Variants in ATP6V0A2 observed in about 807,000 individuals in gnomAD.
The protein encoded by ATP6V0A2 is ATPase H+ transporting V0 subunit a2.
Under a neutral mutation model 104.4 loss-of-function variants are expected in ATP6V0A2, and 58 were observed. The observed-to-expected ratio is 0.56, with a 90% CI of 0.45 to 0.69. ATP6V0A2 has a LOEUF of 0.69. ATP6V0A2 is among the 30% of genes least tolerant of loss of function. The pLI is 0.00. For missense variants in ATP6V0A2, 938 were observed against 1,062.9 expected (o/e 0.88, Z 1.63); for synonymous variants, 376 against 397.9 (o/e 0.95, Z 0.65).
At position 123,726,289 on chromosome 12, in the gene ATP6V0A2, G is replaced by A; in HGVS notation, c.521+4G>A. Reference sequence around the variant, plus strand: ...AGAGGCTGGGAGCAAAACTGGGGTAGGTGACAAGGCCTGGGGTGTCAGGCT... The same window carrying A: ...AGAGGCTGGGAGCAAAACTGGGGTAAGTGACAAGGCCTGGGGTGTCAGGCT... On this transcript the variant is annotated splice_donor_region_variant and intron_variant, in intron 5 of 19. Coordinates refer to ENST00000330342, the MANE Select transcript of ATP6V0A2 (RefSeq NM_012463.4). 6.2e-7 allele frequency: 1 copy of A among 1,610,798 alleles called. No homozygotes were observed.
chr12:123,748,533 C>A, intron 14 of ATP6V0A2, 42 bp from the exon 15 acceptor site: 1 of 1,441,648 alleles, frequency 6.9e-7, no homozygotes, highest in Non-Finnish European at 9.8e-7. Context: ...TTAACTTAGG[C>A]TGATCTTGTT....
At position 123,734,007 on chromosome 12, in the gene ATP6V0A2, T is replaced by A; in HGVS notation, c.730T>A (p.Cys244Ser). The A allele has an allele frequency of 6.2e-7, 1 of 1,610,584 alleles. No individual in the cohort carries two copies. The highest frequency in any genetic ancestry group is 8.5e-7 in the Non-Finnish European group (1 of 1,177,144). ...IGHKVKKICD[C>S]YHCHVYPYPN... Reference sequence around the variant, plus strand: ...CCACAAGGTTAAGAAGATATGTGATTGGTAAGAAAAAGAAACATTTCATTT... The same window carrying A: ...CCACAAGGTTAAGAAGATATGTGATAGGTAAGAAAAAGAAACATTTCATTT... The change falls in exon 7 of 20, where the codon TGC (cysteine) becomes AGC (serine). Residue 244 changes from cysteine (C) to serine (S), a missense_variant and splice_region_variant. Physicochemically the swap from Cys to Ser is moderately radical, Grantham distance 112. Coordinates refer to ENST00000330342, the MANE Select transcript of ATP6V0A2 (RefSeq NM_012463.4).
rs759193879 is a variant in ATP6V0A2, at chr12:123,754,494, C to T, written c.2250C>T (p.Thr750=). 1.7e-5 allele frequency: 28 copies of T among 1,614,132 alleles called. No individual in the cohort carries two copies. The highest frequency in any genetic ancestry group is 4.5e-5 in the East Asian group (2 of 44,886). ...IEYCLGCISN[T]ASYLRLWALS... ...ACTGTCTGGGATGCATCTCCAACAC[C>T]GCCTCCTACCTGAGGCTCTGGGCGC... The change falls in exon 18 of 20, where the codon ACC becomes ACT. Residue 750 remains threonine (T), a synonymous_variant. Transcript: ENST00000330342.
At position 123,737,085 on chromosome 12, in the gene ATP6V0A2, G is replaced by C. The variant is rs1375101575; in HGVS notation, c.852G>C (p.Leu284Phe). The change falls in exon 9 of 20, where the codon TTG becomes TTC. Residue 284 changes from leucine to phenylalanine, a missense_variant. Physicochemically the swap from Leu to Phe is conservative, Grantham distance 22. Transcript: ENST00000330342. ...TACTGCACAAAACCGAGGACTATTTGAGGCAAGTGCTATGTAAAGCCGCCG... is the reference window on the plus strand; with the variant it reads ...TACTGCACAAAACCGAGGACTATTTCAGGCAAGTGCTATGTAAAGCCGCCG... ...YTVLHKTEDY[L>F]RQVLCKAAES... The C allele has an allele frequency of 1.2e-6, 2 of 1,614,216 alleles. No homozygotes were observed. The highest frequency in any genetic ancestry group is 1.7e-6 in the Non-Finnish European group (2 of 1,180,034).
chr12:123,752,861 T>C (rs1355150054), intron 17 of ATP6V0A2, among the ~76,000 whole-genome samples: 3 of 152,226 alleles, frequency 2.0e-5, no homozygotes, highest in African/African-American at 7.2e-5. Flanking sequence ...TTGGCTTTTT[T>C]TCTTTGTAAG....
chr12:123,736,995 G>T (rs996391136), intron 8 of ATP6V0A2, 64 bp from the exon 9 acceptor site: 4 of 1,503,704 alleles, frequency 2.7e-6, no homozygotes, highest in African/African-American at 1.4e-5. Context: ...GGGAAGTCGG[G>T]TGCCAGGTGG....
chr12:123,744,878 A>G lies in ATP6V0A2; in HGVS notation c.1515-4A>G. The G allele has an allele frequency of 6.2e-7, 1 of 1,614,028 alleles. No individual in the cohort carries two copies. Among genetic ancestry groups the G allele is most frequent in the Non-Finnish European group, 8.5e-7 (1 of 1,179,984 alleles). On this transcript the variant is annotated splice_polypyrimidine_tract_variant and splice_region_variant and intron_variant, in intron 12 of 19. Transcript: ENST00000330342. The surrounding 1 kb of genome is among the most constrained non-coding windows in gnomAD (Gnocchi z 5.4). ...CAGCCTCCTCACTCTGCTTTTTGTT[A>G]CAGTGACAGCGTCGTTAGACACAAC...
At chr12:123,719,167 T>C (rs1165831598) in intron 2 of ATP6V0A2, among the ~76,000 whole-genome samples, 3 of 152,206 alleles carry the variant, frequency 2.0e-5, no homozygotes, top group African/African-American at 7.2e-5. Context: ...AAATGGAAGA[T>C]AGAGTGATTG....
chr12:123,755,476 C>T (rs1337702266), intron 18 of ATP6V0A2, among the ~76,000 whole-genome samples: 2 of 147,500 alleles, frequency 1.4e-5, no homozygotes, highest in Non-Finnish European at 3.0e-5. Context: ...GCGGAGGTTG[C>T]AGTGAGCCAA....
At chr12:123,751,935 A>T (rs905834303) in intron 16 of ATP6V0A2, among the ~76,000 whole-genome samples, 1 of 132,580 alleles carries the variant, frequency 7.5e-6, no homozygotes, top group Admixed American at 9.1e-5. Context: ...ATCTCAGCTT[A>T]CTGCAACCTC....
chr12:123,753,838 G>A (rs1956738621), intron 17 of ATP6V0A2, among the ~76,000 whole-genome samples: 1 of 152,218 alleles, frequency 6.6e-6, no homozygotes, highest in South Asian at 2.1e-4. Flanking sequence ...TAATTATTAT[G>A]TAATTTCGTG....
chr12:123,755,213 G>A (rs936664542), intron 18 of ATP6V0A2, among the ~76,000 whole-genome samples: 1 of 152,120 alleles, frequency 6.6e-6, no homozygotes, highest in African/African-American at 2.4e-5. Flanking sequence ...TGCAAAGGGT[G>A]CAATGTTGCA....
intron 19 of ATP6V0A2, 73 bp from the exon 20 acceptor site, chr12:123,757,854 T>TA (rs1222499443): frequency 4.1e-6 from 4 of 967,810 alleles, no homozygotes; most frequent in Middle Eastern, 3.1e-4. Flanking sequence ...TTTTTTTTTT[T>TA]AACTTATAAA....
chr12:123,726,258 G>T lies in ATP6V0A2; in HGVS notation c.494G>T (p.Cys165Phe), dbSNP rs1956447844. Residue 165 changes from cysteine (C) to phenylalanine (F), a missense_variant, in exon 5 of 20, where the codon TGT becomes TTT. Physicochemically the swap from Cys to Phe is radical, Grantham distance 205. Coordinates refer to ENST00000330342, the MANE Select transcript of ATP6V0A2 (RefSeq NM_012463.4). ...AGTGATTCTTTGTTGGATTACAGCT[G>T]TATGCAGAGGCTGGGAGCAAAACTG... is the stretch of plus-strand genomic sequence containing the variant. ...LESDSLLDYS[C>F]MQRLGAKLGF... The T allele has an allele frequency of 3.7e-6, 6 of 1,613,900 alleles. No individual in the cohort carries two copies. Among genetic ancestry groups the T allele is most frequent in the Non-Finnish European group, 4.2e-6 (5 of 1,179,762 alleles).
intron 6 of ATP6V0A2, among the ~76,000 whole-genome samples, chr12:123,729,621 G>A (rs568353148): frequency 1.2e-4 from 18 of 152,064 alleles, no homozygotes; most frequent in Middle Eastern, 3.2e-3. Context: ...AAACTTCAAA[G>A]TAAAAATAAC....
intron 2 of ATP6V0A2, among the ~76,000 whole-genome samples, chr12:123,718,935 T>A (rs1956370410): frequency 6.6e-6 from 1 of 152,222 alleles, no homozygotes; most frequent in African/African-American, 2.4e-5. Flanking sequence ...TTGTTACCCT[T>A]GTTTTTTACT....
intron 6 of ATP6V0A2, 52 bp from the exon 7 acceptor site, chr12:123,733,874 C>G: frequency 7.3e-7 from 1 of 1,373,240 alleles, no homozygotes; most frequent in Non-Finnish European, 1.0e-6. Flanking sequence ...TGCCGAAGTT[C>G]TAGAAGTTTA....
At chr12:123,735,030 A>T (rs1383333839) in intron 7 of ATP6V0A2, among the ~76,000 whole-genome samples, 1 of 152,068 alleles carries the variant, frequency 6.6e-6, no homozygotes, top group Non-Finnish European at 1.5e-5. Context: ...CAGTTTGGGG[A>T]CACAGCTCGT....
At chr12:123,714,121 C>G (rs1368070925) in intron 1 of ATP6V0A2, among the ~76,000 whole-genome samples, 1 of 152,138 alleles carries the variant, frequency 6.6e-6, no homozygotes, top group Non-Finnish European at 1.5e-5. Flanking sequence ...GTTTTCCTTC[C>G]GGTTAGTACT....
Sources: gnomAD v4.1 joint callset for allele counts (sites outside exome capture counted in the v4.1 genomes callset) on GRCh38, gnomAD v4.1.1 for gene constraint, Gnocchi (gnomAD v3.1) non-coding constraint, MANE v1.5 for transcripts, NCBI Gene and HGNC (gene_info 2026-07-23, HGNC 2026-07-21) for gene names.